Variants in AGAP1 observed in about 807,000 individuals in gnomAD.
AGAP1 encodes ArfGAP with GTPase domain, ankyrin repeat and PH domain 1, also known as arf-GAP with GTPase, ANK repeat and PH domain-containing protein 1.
In AGAP1, 29 loss-of-function variants were observed where a neutral mutation model predicts 105.3. The ratio of observed to expected loss-of-function variants is 0.28; its 90% CI spans 0.21 to 0.38. AGAP1 has a LOEUF of 0.38. Ranked by LOEUF, AGAP1 falls within the 10% of genes least tolerant of loss-of-function variation. The pLI, the probability that AGAP1 is intolerant of heterozygous loss-of-function variation, is 1.00. For missense variants in AGAP1, 998 were observed against 1,165.1 expected (o/e 0.86, Z 2.09); for synonymous variants, 509 against 485.9 (o/e 1.05, Z -0.63).
In AGAP1 at chr2:235,584,331, C is replaced by A. The variant is rs1945032184; in HGVS notation, c.163+89482C>A. ...TCTGCACTCTTTGTTCTTATAGGAA[C>A]AAGGTTAAGGGACGACTGTGTTGTG... On this transcript the variant is annotated intron_variant, in intron 1 of 17. Coordinates refer to ENST00000304032, the MANE Select transcript of AGAP1 (RefSeq NM_001037131.3). Among the ~76,000 whole-genome samples the A allele has an allele frequency of 2.0e-5, 3 of 151,188 alleles. No individual in the cohort carries two copies. In the East Asian group the frequency reaches 5.8e-4, roughly 29 times the overall value.
intron 9 of AGAP1, chr2:235,853,324 T>G (rs1297250728): frequency 3.1e-6 from 2 of 654,370 alleles, no homozygotes; most frequent in East Asian, 1.4e-4. Context: ...AGGAATTGTT[T>G]TAGGAACAGG....
At chr2:235,839,097 A>G (rs1960502755) in intron 9 of AGAP1, among the ~76,000 whole-genome samples, 1 of 152,258 alleles carries the variant, frequency 6.6e-6, no homozygotes, top group Admixed American at 6.5e-5. Context: ...GAGCATCAGA[A>G]TCCATGCCCA....
At position 235,644,662 on chromosome 2, in the gene AGAP1, G is replaced by T. The variant is rs1197545858; in HGVS notation, c.164-64517G>T. On this transcript the variant is annotated intron_variant, in intron 1 of 17. Coordinates refer to ENST00000304032, the MANE Select transcript of AGAP1 (RefSeq NM_001037131.3). ...GCCACCAGGGGATCTTGGCAAGAGA[G>T]GCCGTGGGATTTGAGAGTTAGAACT... Among the ~76,000 whole-genome samples the T allele has an allele frequency of 2.6e-5, 4 of 152,186 alleles. No homozygotes were observed. The South Asian group carries it at 8.3e-4, about 31-fold the overall frequency.
At position 236,087,904 on chromosome 2, in the gene AGAP1, G is replaced by A. The variant is rs1361649484; in HGVS notation, c.2115-32288G>A. On this transcript the variant is annotated intron_variant, in intron 16 of 17. Coordinates refer to ENST00000304032, the MANE Select transcript of AGAP1 (RefSeq NM_001037131.3). This position sits in a 1 kb window ranked among gnomAD's most constrained non-coding sequence, Gnocchi z 5.7. ...CTCTGGTTGGGACCTGCTTAAAGAT[G>A]TGTAAAGACCTTGAACATCAGCATC... 1.3e-5 allele frequency among the ~76,000 whole-genome samples: 2 copies of A among 152,192 alleles called. No homozygotes were observed. Among genetic ancestry groups the A allele is most frequent in the African/African-American group, 4.8e-5 (2 of 41,440 alleles).
rs962690344 is a variant in AGAP1 at position 236,104,497 on chromosome 2, C to T, written c.2115-15695C>T. Among the ~76,000 whole-genome samples the T allele has an allele frequency of 6.6e-6, 1 of 152,246 alleles. No individual in the cohort carries two copies. Among genetic ancestry groups the T allele is most frequent in the African/African-American group, 2.4e-5 (1 of 41,476 alleles). On this transcript the variant is annotated intron_variant, in intron 16 of 17. Coordinates refer to ENST00000304032, the MANE Select transcript of AGAP1 (RefSeq NM_001037131.3). This position sits in a 1 kb window ranked among gnomAD's most constrained non-coding sequence, Gnocchi z 4.7. ...AAAATCCTTGTCCCTTCTCAGATTC[C>T]TTGGGGGCACAGGGCTGTGAGGGTC...
chr2:235,666,515 A>G (rs1315439351), intron 1 of AGAP1, among the ~76,000 whole-genome samples: 2 of 152,106 alleles, frequency 1.3e-5, no homozygotes, highest in Non-Finnish European at 2.9e-5. Flanking sequence ...TTGACATGGC[A>G]TCATTATGAC....
rs565355104 is a variant in AGAP1, at chr2:235,539,561, C to T, written c.163+44712C>T. On this transcript the variant is annotated intron_variant, in intron 1 of 17. Transcript: ENST00000304032. ...TTGGTATTTTTTTCTCTTTCACCTC[C>T]TCTCCCATATTTCCCCTCTAGGGTG... is the stretch of plus-strand genomic sequence containing the variant. Among the ~76,000 whole-genome samples the T allele has an allele frequency of 2.6e-5, 4 of 152,322 alleles. No individual in the cohort carries two copies. In the South Asian group the frequency reaches 6.2e-4, roughly 24 times the overall value.
intron 8 of AGAP1, among the ~76,000 whole-genome samples, chr2:235,802,995 G>GTTGTGGTTGTGA (rs1575506471): frequency 2.8e-5 from 4 of 143,038 alleles, no homozygotes; most frequent in African/African-American, 1.0e-4. Context: ...GGTTGTGATG[G>GTTGTGGTTGTGA]TGGTGATGGT....
At chr2:235,917,494 C>G (rs924591619) in intron 11 of AGAP1, among the ~76,000 whole-genome samples, 2 of 152,120 alleles carry the variant, frequency 1.3e-5, no homozygotes, top group Non-Finnish European at 2.9e-5. Context: ...CTCTCCCTCT[C>G]TTTTTTTCCA....
chr2:235,541,493 T>C (rs1288374349), intron 1 of AGAP1, among the ~76,000 whole-genome samples: 1 of 144,532 alleles, frequency 6.9e-6, no homozygotes, highest in Admixed American at 7.2e-5. Context: ...GTTCACACCA[T>C]TCTCCTGCCT....
chr2:235,542,747 A>G (rs1315380650), intron 1 of AGAP1, among the ~76,000 whole-genome samples: 1 of 152,180 alleles, frequency 6.6e-6, no homozygotes, highest in East Asian at 1.9e-4. Flanking sequence ...GTCAATCTCT[A>G]TGTAAGTAAT....
intron 9 of AGAP1, among the ~76,000 whole-genome samples, chr2:235,825,678 T>A (rs1039361390): frequency 2.0e-5 from 3 of 152,210 alleles, no homozygotes; most frequent in African/African-American, 7.2e-5. Context: ...TGAACACAAT[T>A]ACTAATTTAT....
At chr2:235,854,049 T>A (rs930566700) in intron 9 of AGAP1, among the ~76,000 whole-genome samples, 49 of 152,228 alleles carry the variant, frequency 3.2e-4, no homozygotes, top group African/African-American at 1.1e-3. Flanking sequence ...AGTTGATGCG[T>A]AGGCTCATGG....
At position 235,615,811 on chromosome 2, in the gene AGAP1, G is replaced by GATT. The variant is rs540519421; in HGVS notation, c.164-93366_164-93364dup. Among the ~76,000 whole-genome samples, 68 of 152,208 alleles carry GATT rather than the reference G, an allele frequency of 4.5e-4. 1 individual carries two copies. In the South Asian group the frequency reaches 0.014, roughly 30 times the overall value. ...CAAGGGCAGAAAATAAATGAAAGGG[G>GATT]ATTACTTTGACAGCATCTGAACAAC... On this transcript the variant is annotated intron_variant, in intron 1 of 17. Coordinates refer to ENST00000304032, the MANE Select transcript of AGAP1 (RefSeq NM_001037131.3). This position sits in a 1 kb window ranked among gnomAD's most constrained non-coding sequence, Gnocchi z 5.0.
chr2:235,778,708 C>A (rs1956068260), intron 6 of AGAP1, among the ~76,000 whole-genome samples: 1 of 152,230 alleles, frequency 6.6e-6, no homozygotes, highest in South Asian at 2.1e-4. Flanking sequence ...GTGCTTGGAG[C>A]AGGGCCCCAC....
chr2:236,100,947 A>T (rs1461779261), intron 16 of AGAP1, among the ~76,000 whole-genome samples: 3 of 152,096 alleles, frequency 2.0e-5, no homozygotes, highest in Admixed American at 2.0e-4. Context: ...ATTACCCTGG[A>T]TGGAATTCAT....
chr2:235,883,491 C>A lies in AGAP1; in HGVS notation c.1155+42C>A, dbSNP rs548430570. Reference sequence around the variant, plus strand: ...CGGAGCAATTAACAGCTGCAGACCTCAACTAAACACTGTGGGGAAGGGGAA... The same window carrying A: ...CGGAGCAATTAACAGCTGCAGACCTAAACTAAACACTGTGGGGAAGGGGAA... On this transcript the variant is annotated intron_variant, in intron 10 of 17. Transcript: ENST00000304032. This position sits in a 1 kb window ranked among gnomAD's most constrained non-coding sequence, Gnocchi z 4.5. 1 of 1,510,442 alleles carries A rather than the reference C, an allele frequency of 6.6e-7. No homozygotes were observed. The highest frequency in any genetic ancestry group is 1.1e-5 in the South Asian group (1 of 87,572). The allele number at this position is 1,510,442 out of a possible 1,614,324, so 93.6% of individuals were successfully genotyped here.
intron 12 of AGAP1, among the ~76,000 whole-genome samples, chr2:235,938,583 A>C (rs1250364917): frequency 6.6e-6 from 1 of 152,228 alleles, no homozygotes; most frequent in African/African-American, 2.4e-5. Flanking sequence ...AGTACAGATA[A>C]TGGAACAGGA....
intron 3 of AGAP1, among the ~76,000 whole-genome samples, chr2:235,727,209 C>G (rs1485302683): frequency 2.0e-5 from 3 of 152,130 alleles, no homozygotes; most frequent in Non-Finnish European, 4.4e-5. Context: ...CCTAATTGAG[C>G]TGAGTGGCTT....
Sources: gnomAD v4.1 joint callset for allele counts (sites outside exome capture counted in the v4.1 genomes callset) on GRCh38, gnomAD v4.1.1 for gene constraint, Gnocchi (gnomAD v3.1) non-coding constraint, MANE v1.5 for transcripts, NCBI Gene and HGNC (gene_info 2026-07-23, HGNC 2026-07-21) for gene names.